The following HSD17B12 variants were observed in gnomAD, a reference collection of about 807,000 sequenced individuals.
HSD17B12 encodes the protein hydroxysteroid 17-beta dehydrogenase 12.
HSD17B12 carries 32 observed loss-of-function variants against 39.3 expected under a neutral mutation model. The observed-to-expected ratio is 0.81, with a 90% CI of 0.61 to 1.09. The LOEUF (loss-of-function observed/expected upper bound fraction) is 1.09, where lower values mean the gene tolerates loss of function less well. HSD17B12 is among the 50% of genes least tolerant of loss of function. HSD17B12 has a pLI of 0.00. For missense variants in HSD17B12, 342 were observed against 382.9 expected, an observed-to-expected ratio of 0.89 and a Z score of 0.89; for synonymous variants, 150 against 146.7, an observed-to-expected ratio of 1.02 and a Z score of -0.16.
chr11:43,614,308 C>T, the HSD17B12 span, among the ~76,000 whole-genome samples: 1,097 of 152,226 alleles, frequency 7.2e-3, 8 homozygotes, highest in African/African-American at 0.025. Flanking sequence ...CTTTTCGTTT[C>T]AGCACTTTAA....
At chr11:43,599,825 A>C in the HSD17B12 span, among the ~76,000 whole-genome samples, 1 of 152,228 alleles carries the variant, frequency 6.6e-6, no homozygotes, top group South Asian at 2.1e-4. Flanking sequence ...AAACAAAATT[A>C]TTACATTTAA....
chr11:43,852,534 T>C (rs1219006990), intron 9 of HSD17B12: 1 of 152,142 alleles, frequency 6.6e-6, no homozygotes, highest in African/African-American at 2.4e-5. Context: ...TTGCTTATGT[T>C]CCTTCATTAT....
chr11:43,594,353 A>G, the HSD17B12 span, among the ~76,000 whole-genome samples: 1 of 152,136 alleles, frequency 6.6e-6, no homozygotes, highest in Non-Finnish European at 1.5e-5. Flanking sequence ...AGATTCTTTT[A>G]GGGAAAATTC....
At chr11:43,676,953 C>CTA (rs1393556127), upstream of HSD17B12, among the ~76,000 whole-genome samples, 13 of 152,064 alleles carry the variant, frequency 8.5e-5, no homozygotes, top group Non-Finnish European at 1.6e-4. Flanking sequence ...GGGGATATAG[C>CTA]TATACTGTAG....
chr11:43,699,235 T>C (rs1410918091), intron 1 of HSD17B12, among the ~76,000 whole-genome samples: 1 of 152,190 alleles, frequency 6.6e-6, no homozygotes, highest in Non-Finnish European at 1.5e-5. Flanking sequence ...TAAGTTCCTG[T>C]CATTTCTCAC....
At chr11:43,651,054 C>G in the HSD17B12 span, among the ~76,000 whole-genome samples, 6 of 151,990 alleles carry the variant, frequency 3.9e-5, no homozygotes, top group African/African-American at 1.5e-4. Flanking sequence ...CAGATAGAAG[C>G]AAAAGACTAC....
the HSD17B12 span, among the ~76,000 whole-genome samples, chr11:43,610,981 A>G: frequency 6.6e-6 from 1 of 152,204 alleles, no homozygotes; most frequent in Non-Finnish European, 1.5e-5. Context: ...TTTTCTTGGA[A>G]GTTCATTAGG....
At chr11:43,729,709 T>C (rs1565066423) in intron 1 of HSD17B12, among the ~76,000 whole-genome samples, 1 of 152,212 alleles carries the variant, frequency 6.6e-6, no homozygotes, top group Non-Finnish European at 1.5e-5. Context: ...CTGTACCTGC[T>C]GCCTATCCGC....
At chr11:43,675,206 T>A in the HSD17B12 span, among the ~76,000 whole-genome samples, 4 of 152,312 alleles carry the variant, frequency 2.6e-5, no homozygotes, top group Non-Finnish European at 4.4e-5. Context: ...CATTATGTTC[T>A]GTAAGGAAAA....
chr11:43,767,252 T>C (rs1005921470), intron 3 of HSD17B12, among the ~76,000 whole-genome samples: 1 of 152,142 alleles, frequency 6.6e-6, no homozygotes, highest in African/African-American at 2.4e-5. Context: ...GACCAAGGTG[T>C]TATTAAATGA....
At chr11:43,662,413 G>GTGTGTGTGTC in the HSD17B12 span, among the ~76,000 whole-genome samples, 1 of 147,988 alleles carries the variant, frequency 6.8e-6, no homozygotes, top group African/African-American at 2.5e-5. Flanking sequence ...GTGTGTGTGT[G>GTGTGTGTGTC]TGTGTATTTT....
intron 3 of HSD17B12, among the ~76,000 whole-genome samples, chr11:43,789,433 A>G (rs1455266230): frequency 2.0e-5 from 3 of 152,224 alleles, no homozygotes; most frequent in Admixed American, 1.3e-4. Context: ...CAAAAAACAG[A>G]CACAGATCCT....
the HSD17B12 span, among the ~76,000 whole-genome samples, chr11:43,588,063 C>T: frequency 1.3e-5 from 2 of 152,170 alleles, no homozygotes; most frequent in African/African-American, 4.8e-5. Context: ...AAGGTTTCAC[C>T]CCAGTTCTGA....
intron 1 of HSD17B12, among the ~76,000 whole-genome samples, chr11:43,699,404 T>C (rs1949942197): frequency 6.6e-6 from 1 of 152,170 alleles, no homozygotes; most frequent in Admixed American, 6.5e-5. Flanking sequence ...TGAATTATGA[T>C]GTTAATGAGA....
intron 1 of HSD17B12, among the ~76,000 whole-genome samples, chr11:43,746,810 A>G (rs1264694028): frequency 6.6e-6 from 1 of 152,202 alleles, no homozygotes; most frequent in Non-Finnish European, 1.5e-5. Flanking sequence ...GCATTACGTT[A>G]TGACATTATG....
At chr11:43,768,694 T>C (rs572183267) in intron 3 of HSD17B12, among the ~76,000 whole-genome samples, 12 of 152,078 alleles carry the variant, frequency 7.9e-5, no homozygotes, top group African/African-American at 2.7e-4. Flanking sequence ...ACCCAAAGAG[T>C]GAGCAGCAGC....
At chr11:43,614,287 C>G in the HSD17B12 span, among the ~76,000 whole-genome samples, 4 of 152,194 alleles carry the variant, frequency 2.6e-5, no homozygotes, top group African/African-American at 9.6e-5. Flanking sequence ...TTTTCAATGA[C>G]AAGTTTTTCT....
intron 3 of HSD17B12, among the ~76,000 whole-genome samples, chr11:43,784,269 C>G (rs1374693982): frequency 6.6e-6 from 1 of 150,976 alleles, no homozygotes; most frequent in Admixed American, 6.6e-5. Context: ...CTGGAATTTA[C>G]AGATAACACA....
intron 1 of HSD17B12, chr11:43,733,761 G>A (rs1950290359): frequency 4.6e-6 from 3 of 658,592 alleles, no homozygotes; most frequent in African/African-American, 3.6e-5. Flanking sequence ...AAGAAAACTT[G>A]GCTGCCAAAG....
Sources: gnomAD v4.1 joint callset for allele counts (sites outside exome capture counted in the v4.1 genomes callset) on GRCh38, gnomAD v4.1.1 for gene constraint, MANE v1.5 for transcripts, NCBI Gene and HGNC (gene_info 2026-07-23, HGNC 2026-07-21) for gene names.